The following SPHKAP variants were observed in gnomAD, a reference collection of about 807,000 sequenced individuals.
SPHKAP encodes SPHK1 interactor, AKAP domain containing.
In SPHKAP, 67 loss-of-function variants were observed where a neutral mutation model predicts 137.5. That is an observed-to-expected ratio of 0.49 (90% CI 0.40 to 0.60). The LOEUF (loss-of-function observed/expected upper bound fraction) is 0.60, where lower values mean the gene tolerates loss of function less well. Ranked by LOEUF, SPHKAP falls within the 20% of genes least tolerant of loss-of-function variation. SPHKAP has a pLI of 0.00. For missense variants in SPHKAP, 2,097 were observed against 2,069.3 expected (o/e 1.01, Z -0.26); for synonymous variants, 813 against 785.3 (o/e 1.04, Z -0.59).
chr2:228,009,662 T>G (rs1309525905), intron 7 of SPHKAP, among the ~76,000 whole-genome samples: 1 of 152,210 alleles, frequency 6.6e-6, no homozygotes, highest in East Asian at 1.9e-4. Flanking sequence ...TTTTGTTGTC[T>G]TTTCTTTAAA....
chr2:228,023,742 A>G (rs1302544543), intron 5 of SPHKAP, among the ~76,000 whole-genome samples: 1 of 152,208 alleles, frequency 6.6e-6, no homozygotes, highest in Admixed American at 6.5e-5. Flanking sequence ...GGCACACTAT[A>G]CTATCAGTGA....
At chr2:228,169,800 G>C (rs2106426101) in intron 1 of SPHKAP, 1 of 151,976 alleles carries the variant, frequency 6.6e-6, no homozygotes, top group Middle Eastern at 3.4e-3. Context: ...AGATTAGCAT[G>C]GGCCCAGCAC....
intron 1 of SPHKAP, among the ~76,000 whole-genome samples, chr2:228,174,942 A>G (rs1380852997): frequency 1.3e-5 from 2 of 151,926 alleles, no homozygotes; most frequent in Non-Finnish European, 2.9e-5. Context: ...TGATAAATAT[A>G]TCAGTAGAAT....
chr2:228,027,194 G>A (rs1248573964), intron 4 of SPHKAP, among the ~76,000 whole-genome samples: 1 of 152,164 alleles, frequency 6.6e-6, no homozygotes, highest in African/African-American at 2.4e-5. Flanking sequence ...GTATCAGCAG[G>A]TTTTGGAAAA....
intron 1 of SPHKAP, among the ~76,000 whole-genome samples, chr2:228,141,424 A>G (rs980684772): frequency 5.9e-5 from 9 of 152,214 alleles, no homozygotes; most frequent in Admixed American, 5.9e-4. Flanking sequence ...GAAGCCCTGT[A>G]AATCTATTTA....
intron 10 of SPHKAP, 40 bp downstream of exon 10, chr2:227,991,234 C>G (rs1008534835): frequency 1.9e-6 from 3 of 1,614,156 alleles, no homozygotes; most frequent in Non-Finnish European, 2.5e-6. Flanking sequence ...AAGGGACAGC[C>G]CAGGCAATTG....
At chr2:227,989,701 G>T (rs534028943) in intron 11 of SPHKAP, among the ~76,000 whole-genome samples, 59 of 152,036 alleles carry the variant, frequency 3.9e-4, no homozygotes, top group African/African-American at 1.4e-3. Flanking sequence ...CACTTCCTGG[G>T]TTCAAGCGAT....
chr2:228,181,243 G>C lies in SPHKAP; in HGVS notation c.32+324C>G, dbSNP rs545524588. Among the ~76,000 whole-genome samples, 2 of 152,134 alleles carry C rather than the reference G, an allele frequency of 1.3e-5. No homozygotes were observed. The highest frequency in any genetic ancestry group is 4.8e-5 in the African/African-American group (2 of 41,440). On this transcript the variant is annotated intron_variant, in intron 1 of 11. Transcript: ENST00000392056. This position sits in a 1 kb window ranked among gnomAD's most constrained non-coding sequence, Gnocchi z 4.3. ...TGTGAAACCTCTCCAAGCTGTGTCCGCGGAAAGTCCGGCTCCTGGCTCCAC... is the reference window on the plus strand; with the variant it reads ...TGTGAAACCTCTCCAAGCTGTGTCCCCGGAAAGTCCGGCTCCTGGCTCCAC...
At position 228,181,503 on chromosome 2, in the gene SPHKAP, G is replaced by A. The variant is rs2106441434; in HGVS notation, c.32+64C>T. 1 of 1,612,016 alleles carries A rather than the reference G, an allele frequency of 6.2e-7. No individual in the cohort carries two copies. Among genetic ancestry groups the A allele is most frequent in the South Asian group, 1.1e-5 (1 of 91,006 alleles). On this transcript the variant is annotated intron_variant, in intron 1 of 11. Coordinates refer to ENST00000392056, the MANE Select transcript of SPHKAP (RefSeq NM_001142644.2). This position sits in a 1 kb window ranked among gnomAD's most constrained non-coding sequence, Gnocchi z 4.3. ...AGCGCTCTGGGGCAAGTTGGTGAGCGACTCACAACGCGGAACGGAGTTTGA... is the reference window on the plus strand; with the variant it reads ...AGCGCTCTGGGGCAAGTTGGTGAGCAACTCACAACGCGGAACGGAGTTTGA...
At chr2:228,065,608 A>G (rs1696798931) in intron 3 of SPHKAP, among the ~76,000 whole-genome samples, 1 of 152,180 alleles carries the variant, frequency 6.6e-6, no homozygotes, top group Non-Finnish European at 1.5e-5. Flanking sequence ...TAGCCATTTC[A>G]TTGTGCCTGG....
At chr2:228,093,617 T>G (rs1361000328) in intron 3 of SPHKAP, among the ~76,000 whole-genome samples, 2 of 151,620 alleles carry the variant, frequency 1.3e-5, no homozygotes, top group Admixed American at 6.6e-5. Flanking sequence ...CACAGCACTT[T>G]GGGAGGCTGA....
chr2:228,103,512 TC>T (rs1263111640), intron 3 of SPHKAP, among the ~76,000 whole-genome samples: 2 of 152,230 alleles, frequency 1.3e-5, no homozygotes, highest in African/African-American at 4.8e-5. Context: ...AGGGTCTCTC[TC>T]AGAGCGTGGT....
chr2:228,056,123 A>G (rs1696434464), intron 3 of SPHKAP, among the ~76,000 whole-genome samples: 1 of 152,136 alleles, frequency 6.6e-6, no homozygotes, highest in African/African-American at 2.4e-5. Flanking sequence ...CTCTCCTACT[A>G]TTGTCTCTCA....
chr2:228,034,526 T>C (rs1396346478), intron 3 of SPHKAP, among the ~76,000 whole-genome samples: 1 of 152,066 alleles, frequency 6.6e-6, no homozygotes, highest in Non-Finnish European at 1.5e-5. Context: ...CCTAACTCAT[T>C]TTATGAGGCC....
intron 11 of SPHKAP, among the ~76,000 whole-genome samples, chr2:227,990,652 A>G (rs1185622187): frequency 6.6e-6 from 1 of 152,152 alleles, no homozygotes; most frequent in Non-Finnish European, 1.5e-5. Flanking sequence ...GGTTTCTGTT[A>G]TATATCAGGT....
intron 1 of SPHKAP, among the ~76,000 whole-genome samples, chr2:228,146,738 C>A (rs1574893824): frequency 6.6e-6 from 1 of 152,328 alleles, no homozygotes; most frequent in South Asian, 2.1e-4. Flanking sequence ...CGACCTTGTT[C>A]TTTGTTAACG....
chr2:228,072,472 C>T (rs1480421776), intron 3 of SPHKAP, among the ~76,000 whole-genome samples: 1 of 152,078 alleles, frequency 6.6e-6, no homozygotes, highest in African/African-American at 2.4e-5. Context: ...ACTGCATTTT[C>T]CAGAGGAGAT....
chr2:228,135,783 G>T (rs1266590614), intron 1 of SPHKAP, among the ~76,000 whole-genome samples: 2 of 152,078 alleles, frequency 1.3e-5, no homozygotes, highest in Admixed American at 6.6e-5. Flanking sequence ...TGAGTCACAT[G>T]GTGGGGCAAA....
intron 1 of SPHKAP, among the ~76,000 whole-genome samples, chr2:228,173,162 C>T (rs554351502): frequency 2.6e-5 from 4 of 152,262 alleles, no homozygotes; most frequent in Admixed American, 6.5e-5. Context: ...AGCCTTGTCC[C>T]TCTTCCTTTT....
Sources: gnomAD v4.1 joint callset for allele counts (sites outside exome capture counted in the v4.1 genomes callset) on GRCh38, gnomAD v4.1.1 for gene constraint, Gnocchi (gnomAD v3.1) non-coding constraint, MANE v1.5 for transcripts, NCBI Gene and HGNC (gene_info 2026-07-23, HGNC 2026-07-21) for gene names.